The following NUP210L variants were observed in gnomAD, a reference collection of about 807,000 sequenced individuals.
NUP210L encodes the protein nucleoporin 210 like.
Under a neutral mutation model 208.5 loss-of-function variants are expected in NUP210L, and 74 were observed. That is an observed-to-expected ratio of 0.35 (90% CI 0.29 to 0.43). The LOEUF is 0.43. Among genes scored for constraint, NUP210L ranks in the 20% least tolerant of loss-of-function variants. NUP210L has a pLI of 1.00. For synonymous variants in NUP210L, 780 were observed against 816.9 expected (o/e 0.95, Z 0.77); for missense variants, 1,843 against 2,289.4 (o/e 0.81, Z 3.98).
chr1:154,037,414 A>G (rs939679811), intron 27 of NUP210L, among the ~76,000 whole-genome samples: 1 of 151,638 alleles, frequency 6.6e-6, no homozygotes, highest in Admixed American at 6.6e-5. Flanking sequence ...TGCTGAATTG[A>G]CCCCTTTATC....
At chr1:154,136,702 C>T (rs562717324) in intron 6 of NUP210L, among the ~76,000 whole-genome samples, 4 of 150,698 alleles carry the variant, frequency 2.7e-5, no homozygotes, top group East Asian at 2.0e-4. Flanking sequence ...GGGTGAACCA[C>T]GAGGTCAGGA....
intron 23 of NUP210L, among the ~76,000 whole-genome samples, chr1:154,055,337 G>A (rs1476341837): frequency 2.0e-5 from 3 of 151,446 alleles, no homozygotes; most frequent in East Asian, 3.9e-4. Flanking sequence ...TGCAACCTCC[G>A]CCTCCCAGGT....
intron 16 of NUP210L, among the ~76,000 whole-genome samples, chr1:154,086,807 C>T (rs1043378422): frequency 6.6e-6 from 1 of 151,142 alleles, no homozygotes; most frequent in African/African-American, 2.4e-5. Flanking sequence ...AAAGTGAGAC[C>T]CTGTGTCTTA....
intron 4 of NUP210L, 35 bp downstream of exon 4, chr1:154,141,396 A>G: frequency 2.3e-6 from 3 of 1,302,832 alleles, no homozygotes; most frequent in East Asian, 2.3e-5. Flanking sequence ...TGTCTTCTTC[A>G]TAGTCAGATG....
In NUP210L at chr1:154,080,130, T is replaced by C. The variant is rs576878548; in HGVS notation, c.2361+9291A>G. Among the ~76,000 whole-genome samples the C allele has an allele frequency of 1.5e-4, 23 of 151,436 alleles. No homozygotes were observed. In the South Asian group the frequency reaches 4.6e-3, roughly 30 times the overall value. On this transcript the variant is annotated intron_variant, in intron 16 of 39. Transcript: ENST00000368559. ...ATCCCAGCACTTTGGGAGGCCGAGA[T>C]GGGTGGATTACCTGAGGTCAGGAGT...
intron 33 of NUP210L, among the ~76,000 whole-genome samples, chr1:154,017,933 G>T (rs1268611183): frequency 6.6e-6 from 1 of 151,748 alleles, no homozygotes; most frequent in African/African-American, 2.4e-5. Flanking sequence ...TCTTAAGATT[G>T]AAGTGCTCCC....
intron 2 of NUP210L, 50 bp downstream of exon 2, chr1:154,152,685 AT>A (rs752335273): frequency 6.5e-7 from 1 of 1,532,826 alleles, no homozygotes; most frequent in African/African-American, 1.4e-5. Context: ...AAAATACCAG[AT>A]TATTCTACCC....
intron 2 of NUP210L, among the ~76,000 whole-genome samples, chr1:154,150,727 CAAA>C (rs1156928758): frequency 2.5e-5 from 1 of 39,664 alleles, no homozygotes; most frequent in African/African-American, 9.2e-5. Flanking sequence ...GACTCCATCT[CAAA>C]AAAAAAAAAA....
chr1:154,058,089 G>C lies in NUP210L; in HGVS notation c.3107C>G (p.Thr1036Arg), dbSNP rs754054088. Residue 1036 changes from threonine (T) to arginine (R), a missense_variant and splice_region_variant, in exon 22 of 40, where the codon ACA (threonine) becomes AGA (arginine). This residue lies in a region of NUP210L where 781 missense variants were observed against 973.8 expected (regional missense o/e 0.80). Coordinates refer to ENST00000368559, the Ensembl canonical transcript of NUP210L. ...AAGGAAGTATTGAAATGGTACTTACGTCAGGGTGACAATGGCAGAAGCCAA... is the reference window on the plus strand; with the variant it reads ...AAGGAAGTATTGAAATGGTACTTACCTCAGGGTGACAATGGCAGAAGCCAA... The C allele has an allele frequency of 5.6e-6, 9 of 1,613,980 alleles. No homozygotes were observed. The East Asian group carries it at 1.3e-4, about 24-fold the overall frequency.
chr1:154,063,755 T>A (rs1654256952), intron 17 of NUP210L, among the ~76,000 whole-genome samples: 1 of 152,122 alleles, frequency 6.6e-6, no homozygotes, highest in African/African-American at 2.4e-5. Flanking sequence ...GTTAGTGCAG[T>A]GCCTGGCATG....
intron 16 of NUP210L, among the ~76,000 whole-genome samples, chr1:154,082,844 A>T (rs924386445): frequency 6.6e-6 from 1 of 152,022 alleles, no homozygotes; most frequent in Non-Finnish European, 1.5e-5. Context: ...GCACGTCTGG[A>T]CTTGGTCATT....
intron 2 of NUP210L, among the ~76,000 whole-genome samples, chr1:154,148,088 G>A (rs541500051): frequency 3.3e-5 from 5 of 150,704 alleles, no homozygotes; most frequent in African/African-American, 9.7e-5. Context: ...CCAACATGGC[G>A]AAACCCTGTC....
intron 23 of NUP210L, among the ~76,000 whole-genome samples, chr1:154,055,123 TTTTCTTTCTTTC>T (rs533438783): frequency 0.065 from 7,583 of 117,026 alleles, 271 homozygotes; most frequent in Middle Eastern, 0.094. Context: ...TCTTTCTTTC[TTTTCTTTCTTTC>T]TTTCTTTCTT....
chr1:154,114,943 C>T (rs1348882155), intron 12 of NUP210L, among the ~76,000 whole-genome samples: 2 of 152,150 alleles, frequency 1.3e-5, no homozygotes, highest in African/African-American at 4.8e-5. Context: ...GAAACCTCCA[C>T]ATCATCTCTG....
intron 16 of NUP210L, among the ~76,000 whole-genome samples, chr1:154,072,490 G>C (rs766288213): frequency 6.6e-6 from 1 of 151,626 alleles, no homozygotes; most frequent in Non-Finnish European, 1.5e-5. Flanking sequence ...CTGCCACCAC[G>C]ACCGGCTAAT....
chr1:154,057,056 G>A, intron 22 of NUP210L, 109 bp from the exon 23 acceptor site: 4 of 1,066,204 alleles, frequency 3.8e-6, no homozygotes, highest in Non-Finnish European at 5.5e-6. Flanking sequence ...TCAGCTCATT[G>A]CAGCCTCAAC....
At chr1:153,997,797 C>G (rs1649984461) in intron 37 of NUP210L, among the ~76,000 whole-genome samples, 1 of 149,642 alleles carries the variant, frequency 6.7e-6, no homozygotes, top group South Asian at 2.1e-4. Context: ...TCAAGCTATT[C>G]TCCTGCCTCA....
rs1653283128 is a variant in NUP210L at position 154,048,006 on chromosome 1, G to C, written c.3484-1637C>G. On this transcript the variant is annotated intron_variant, in intron 25 of 39. Coordinates refer to ENST00000368559, the Ensembl canonical transcript of NUP210L. ...GCTTGGAAGCATCAGGGTAACAATGGAACAAGTGTGGGCTCTAGTTTGTTC... is the reference window on the plus strand; with the variant it reads ...GCTTGGAAGCATCAGGGTAACAATGCAACAAGTGTGGGCTCTAGTTTGTTC... Among the ~76,000 whole-genome samples the C allele has an allele frequency of 2.0e-5, 3 of 152,176 alleles. No homozygotes were observed. The South Asian group carries it at 6.2e-4, about 32-fold the overall frequency.
At chr1:154,140,997 GAAAAAAA>G (rs57099838) in intron 4 of NUP210L, among the ~76,000 whole-genome samples, 11 of 63,078 alleles carry the variant, frequency 1.7e-4, no homozygotes, top group East Asian at 1.4e-3. Flanking sequence ...CCATCTCGAA[GAAAAAAA>G]AAAAAAAAAA....
Sources: gnomAD v4.1 joint callset for allele counts (sites outside exome capture counted in the v4.1 genomes callset) on GRCh38, gnomAD v4.1.1 for gene constraint, gnomAD v4.1.1 regional missense constraint, MANE v1.5 for transcripts, NCBI Gene and HGNC (gene_info 2026-07-23, HGNC 2026-07-21) for gene names.